PCDH19: variants seen among roughly 807,000 people sequenced by gnomAD.
The protein encoded by PCDH19 is protocadherin-19.
In PCDH19, 6 loss-of-function variants were observed where a neutral mutation model predicts 46.2. The observed-to-expected ratio is 0.13, with a 90% CI of 0.07 to 0.26. The LOEUF (loss-of-function observed/expected upper bound fraction) is 0.26. PCDH19 is among the 10% of genes least tolerant of loss of function. The pLI, the probability that PCDH19 is intolerant of heterozygous loss-of-function variation, is 1.00. For missense variants in PCDH19, 740 were observed against 972.3 expected (o/e 0.76, Z 3.18); for synonymous variants, 481 against 415.7 (o/e 1.16, Z -1.91).
At chrX:100,400,118 C>T (rs1269125535) in intron 3 of PCDH19, among the ~76,000 whole-genome samples, 1 of 111,426 alleles carries the variant, frequency 9.0e-6, no homozygotes, top group Non-Finnish European at 1.9e-5. Flanking sequence ...GTAACAGTGC[C>T]GTTACTTGTG....
intron 5 of PCDH19, among the ~76,000 whole-genome samples, chrX:100,309,154 G>GCACACACA (rs55663829): frequency 0.37 from 29,917 of 81,341 alleles, 4,416 homozygotes; most frequent in East Asian, 0.64. Context: ...TGTGATGCAT[G>GCACACACA]CACACACACA....
At chrX:100,324,349 A>G (rs1269170582) in intron 5 of PCDH19, among the ~76,000 whole-genome samples, 5 of 111,742 alleles carry the variant, frequency 4.5e-5, no homozygotes, top group Non-Finnish European at 9.4e-5. Flanking sequence ...AACAGTATCC[A>G]AAGAAGGAAT....
intron 5 of PCDH19, among the ~76,000 whole-genome samples, chrX:100,326,628 C>A (rs1381608581): frequency 9.0e-6 from 1 of 111,183 alleles, no homozygotes; most frequent in Non-Finnish European, 1.9e-5. Flanking sequence ...CAGAGAGGAA[C>A]CAGGGCTTCT....
intron 3 of PCDH19, among the ~76,000 whole-genome samples, chrX:100,379,160 A>G (rs762436425): frequency 9.0e-6 from 1 of 111,415 alleles, no homozygotes; most frequent in Non-Finnish European, 1.9e-5. Context: ...AGGACATGTC[A>G]GGAAGCAGGG....
intron 5 of PCDH19, among the ~76,000 whole-genome samples, chrX:100,308,771 TG>T (rs1340702014): frequency 9.0e-6 from 1 of 111,395 alleles, no homozygotes; most frequent in Non-Finnish European, 1.9e-5. Flanking sequence ...AACAAGCATA[TG>T]AAAAAATGCT....
chrX:100,402,688 G>T lies in PCDH19; in HGVS notation c.2452C>A (p.Gln818Lys). Reference sequence around the variant, plus strand: ...CGGCAGCCCAGGGGCAGCGTCTGCTGGTGGTAGTCAAAATAGTTGAGGGAG... The same window carrying T: ...CGGCAGCCCAGGGGCAGCGTCTGCTTGTGGTAGTCAAAATAGTTGAGGGAG... ...TSSLNYFDYH[Q>K]QTLPLGCRRS... Residue 818 changes from glutamine to lysine, a missense_variant, in exon 3 of 6, where the codon CAG becomes AAG. Around this residue, in one of 5 missense-constraint regions of PCDH19, gnomAD observed 416 missense variants for 476.8 expected, o/e 0.87. Transcript: ENST00000373034. 8.3e-7 allele frequency: 1 copy of T among 1,211,852 alleles called. No homozygotes were observed. The highest frequency in any genetic ancestry group is 1.1e-6 in the Non-Finnish European group (1 of 895,437).
chrX:100,344,560 A>G (rs1315105882), intron 4 of PCDH19, among the ~76,000 whole-genome samples: 1 of 108,542 alleles, frequency 9.2e-6, no homozygotes, highest in Non-Finnish European at 1.9e-5. Context: ...TATAACAAAT[A>G]CTTAACTTTC....
intron 1 of PCDH19, among the ~76,000 whole-genome samples, chrX:100,406,207 T>C (rs1569314054): frequency 8.9e-6 from 1 of 111,978 alleles, no homozygotes; most frequent in African/African-American, 3.3e-5. Context: ...GATAATTGCG[T>C]TTCTGCTCAC....
chrX:100,366,084 T>C (rs894142665), intron 3 of PCDH19, among the ~76,000 whole-genome samples: 4 of 112,017 alleles, frequency 3.6e-5, no homozygotes, highest in African/African-American at 1.3e-4. Context: ...AGACTGCCTT[T>C]AGCTGAGTGA....
At chrX:100,326,371 A>T (rs1302351028) in intron 5 of PCDH19, among the ~76,000 whole-genome samples, 1 of 112,372 alleles carries the variant, frequency 8.9e-6, no homozygotes, top group African/African-American at 3.2e-5. Flanking sequence ...AATAGAAGGG[A>T]TTCTTTGCAG....
intron 5 of PCDH19, among the ~76,000 whole-genome samples, chrX:100,315,136 G>C (rs1172883494): frequency 8.9e-6 from 1 of 111,830 alleles, no homozygotes; most frequent in African/African-American, 3.3e-5. Context: ...TGTGGGGTGG[G>C]GCACCTATTA....
At chrX:100,305,955 A>G (rs1399568717) in intron 5 of PCDH19, among the ~76,000 whole-genome samples, 5 of 111,975 alleles carry the variant, frequency 4.5e-5, no homozygotes, top group Non-Finnish European at 9.4e-5. Context: ...ATAGATGGCA[A>G]CACAATAATA....
chrX:100,304,321 A>G (rs1924874431), intron 5 of PCDH19, among the ~76,000 whole-genome samples: 1 of 111,284 alleles, frequency 9.0e-6, no homozygotes, highest in South Asian at 3.8e-4. Flanking sequence ...AAGAGAAATA[A>G]CAATCACTGC....
intron 5 of PCDH19, among the ~76,000 whole-genome samples, chrX:100,313,132 A>G (rs1925183559): frequency 8.9e-6 from 1 of 112,104 alleles, no homozygotes; most frequent in Admixed American, 9.5e-5. Flanking sequence ...TGTTCTGTCC[A>G]TCTTTAGATC....
intron 5 of PCDH19, among the ~76,000 whole-genome samples, chrX:100,317,011 A>T: frequency 8.9e-6 from 1 of 111,912 alleles, no homozygotes; most frequent in Non-Finnish European, 1.9e-5. Flanking sequence ...TAACTGGAGC[A>T]TATTTGAGGA....
chrX:100,402,904 C>T, intron 2 of PCDH19, 53 bp from the exon 3 acceptor site: 1 of 986,993 alleles, frequency 1.0e-6, no homozygotes, highest in Non-Finnish European at 1.4e-6. Context: ...AAATCATGCA[C>T]TGATTAATAA....
In PCDH19 at chrX:100,291,968, C is replaced by T. The variant is rs981152877; in HGVS notation, c.*4309G>A. 1 of 113,295 alleles carries T rather than the reference C, an allele frequency of 8.8e-6. No individual in the cohort carries two copies. The highest frequency in any genetic ancestry group is 1.9e-5 in the Non-Finnish European group (1 of 53,393). The allele number at this position is 113,295 out of a possible 1,213,427, so 9.3% of individuals were successfully genotyped here. ...TGCTTAATGAGACATACTGTACTTG[C>T]ATCCCTCTAAATTTCCACCCTGGTT... On this transcript the variant is annotated 3_prime_UTR_variant, in exon 6 of 6. Coordinates refer to ENST00000373034, the MANE Select transcript of PCDH19 (RefSeq NM_001184880.2).
chrX:100,313,899 A>ACTCT (rs1555974548), intron 5 of PCDH19, among the ~76,000 whole-genome samples: 8 of 69,035 alleles, frequency 1.2e-4, no homozygotes, highest in Non-Finnish European at 1.7e-4. Context: ...ACACACACAC[A>ACTCT]CACACACAAA....
At position 100,296,697 on chromosome X, in the gene PCDH19, G is replaced by A; in HGVS notation, c.3027C>T (p.Gly1009=). 1 of 1,211,411 alleles carries A rather than the reference G, an allele frequency of 8.3e-7. No homozygotes were observed. The stretch of plus-strand genomic sequence containing the variant: ...AGGTTGCGAAAGTCCGTTTGGTGGG[G>A]CCGCAGTCGTCATAAGCCTCGACAT... ...AADVEAYDDC[G]PTKRTFATFG... Residue 1009 remains glycine (G), a synonymous_variant, in exon 6 of 6, where the codon GGC becomes GGT. Coordinates refer to ENST00000373034, the MANE Select transcript of PCDH19 (RefSeq NM_001184880.2).
Sources: gnomAD v4.1 joint callset for allele counts (sites outside exome capture counted in the v4.1 genomes callset) on GRCh38, gnomAD v4.1.1 for gene constraint, gnomAD v4.1.1 regional missense constraint, MANE v1.5 for transcripts, NCBI Gene and HGNC (gene_info 2026-07-23, HGNC 2026-07-21) for gene names.